Variants in ARNT observed in about 807,000 individuals in gnomAD.
ARNT encodes the protein class E basic helix-loop-helix protein 2.
In ARNT, 30 loss-of-function variants were observed where a neutral mutation model predicts 105.0. The ratio of observed to expected loss-of-function variants is 0.29; its 90% CI spans 0.21 to 0.39. ARNT has a LOEUF of 0.39. ARNT is among the 10% of genes least tolerant of loss of function. ARNT has a pLI of 1.00. For missense variants in ARNT, 748 were observed against 978.7 expected, an observed-to-expected ratio of 0.76 and a Z score of 3.15; for synonymous variants, 304 against 344.0, an observed-to-expected ratio of 0.88 and a Z score of 1.29.
intron 1 of ARNT, among the ~76,000 whole-genome samples, chr1:150,868,664 G>A (rs917633966): frequency 1.3e-5 from 2 of 151,306 alleles, no homozygotes; most frequent in African/African-American, 2.4e-5. Flanking sequence ...CACTTTGGGA[G>A]GCCGAGGTGG....
intron 1 of ARNT, among the ~76,000 whole-genome samples, chr1:150,863,425 G>A (rs1666008080): frequency 6.6e-6 from 1 of 151,850 alleles, no homozygotes; most frequent in African/African-American, 2.4e-5. Context: ...GCCTGGCATA[G>A]TACTTGCAGA....
intron 1 of ARNT, among the ~76,000 whole-genome samples, chr1:150,870,343 T>C (rs1007061994): frequency 1.3e-5 from 2 of 152,182 alleles, no homozygotes; most frequent in African/African-American, 4.8e-5. Flanking sequence ...TCAAAGGTAT[T>C]TCATATTAAC....
intron 10 of ARNT, 108 bp from the exon 11 acceptor site, chr1:150,830,088 G>C: frequency 8.0e-7 from 1 of 1,245,352 alleles, no homozygotes; most frequent in Non-Finnish European, 1.1e-6. Context: ...GCCAGGCACC[G>C]TGGCTGACGC....
chr1:150,867,542 A>G (rs1392207571), intron 1 of ARNT, among the ~76,000 whole-genome samples: 1 of 152,164 alleles, frequency 6.6e-6, no homozygotes, highest in Admixed American at 6.6e-5. Flanking sequence ...AAAGAGAGAG[A>G]TATCTTTTAA....
At chr1:150,846,781 C>T (rs1457481915) in intron 3 of ARNT, among the ~76,000 whole-genome samples, 1 of 152,142 alleles carries the variant, frequency 6.6e-6, no homozygotes, top group Non-Finnish European at 1.5e-5. Flanking sequence ...ATTTCTCCTT[C>T]ACCCCAACCC....
chr1:150,850,627 C>A (rs957909786), intron 3 of ARNT, among the ~76,000 whole-genome samples: 1 of 152,342 alleles, frequency 6.6e-6, no homozygotes, highest in East Asian at 1.9e-4. Flanking sequence ...GATCTCGGCT[C>A]GCTACAACCT....
At chr1:150,872,438 G>GTATTA (rs1247955997) in intron 1 of ARNT, among the ~76,000 whole-genome samples, 1 of 152,110 alleles carries the variant, frequency 6.6e-6, no homozygotes, top group African/African-American at 2.4e-5. Flanking sequence ...AACCCAAACG[G>GTATTA]TATTACCCTT....
At chr1:150,873,328 TGTC>T (rs1357891705) in intron 1 of ARNT, among the ~76,000 whole-genome samples, 2 of 151,234 alleles carry the variant, frequency 1.3e-5, no homozygotes, top group Admixed American at 1.3e-4. Flanking sequence ...AAACAAAACT[TGTC>T]TAGTCCATAG....
At chr1:150,876,216 T>G (rs1668222975) in intron 1 of ARNT, among the ~76,000 whole-genome samples, 1 of 152,030 alleles carries the variant, frequency 6.6e-6, no homozygotes, top group Non-Finnish European at 1.5e-5. Flanking sequence ...GGCAGAGGGT[T>G]AAAAGAGGAC....
Position 150,816,367 on chromosome 1 carries a change from T to C in ARNT, c.1842A>G (p.Pro614=). The C allele has an allele frequency of 1.9e-6, 3 of 1,608,852 alleles. No individual in the cohort carries two copies. Among genetic ancestry groups the C allele is most frequent in the Non-Finnish European group, 2.5e-6 (3 of 1,178,664 alleles). Residue 614 remains proline, a synonymous_variant, in exon 19 of 22, where the codon CCA becomes CCG. Coordinates refer to ENST00000358595, the MANE Select transcript of ARNT (RefSeq NM_001668.4). ...GLAPPVTIVQ[P]SASAGQMLAQ... is the part of the protein sequence containing the mutation. ...CCAACATCTGTCCTGCAGAAGCTGA[T>C]GGCTGGACAATGGTTACAGGAGGGG...
At chr1:150,832,292 G>A (rs369510385) in intron 9 of ARNT, 42 bp downstream of exon 9, 282 of 1,596,616 alleles carry the variant, frequency 1.8e-4, no homozygotes, top group Admixed American at 7.0e-4. Context: ...ATCTCTGCAG[G>A]TATTTGGCCA....
At chr1:150,849,366 A>G (rs1369914158) in intron 3 of ARNT, among the ~76,000 whole-genome samples, 6 of 152,192 alleles carry the variant, frequency 3.9e-5, no homozygotes. Context: ...AAAAAAGCAG[A>G]TTGCGGTCAA....
chr1:150,866,931 C>T (rs587627508), intron 1 of ARNT, among the ~76,000 whole-genome samples: 7 of 152,182 alleles, frequency 4.6e-5, no homozygotes, highest in South Asian at 4.2e-4. Flanking sequence ...AGAGGCTGGG[C>T]GCAATGGCTC....
chr1:150,863,024 C>T (rs1376594214), intron 1 of ARNT, among the ~76,000 whole-genome samples: 2 of 145,050 alleles, frequency 1.4e-5, no homozygotes, highest in East Asian at 4.0e-4. Flanking sequence ...GCACTCTAGC[C>T]TGGGTGACAG....
intron 2 of ARNT, among the ~76,000 whole-genome samples, chr1:150,856,824 G>C (rs1232370619): frequency 6.6e-6 from 1 of 151,418 alleles, no homozygotes; most frequent in Non-Finnish European, 1.5e-5. Context: ...GACAGGTGAA[G>C]TGGCTCACGC....
intron 5 of ARNT, 82 bp from the exon 6 acceptor site, chr1:150,839,736 T>G (rs1660941969): frequency 2.9e-6 from 4 of 1,379,266 alleles, no homozygotes; most frequent in Non-Finnish European, 4.0e-6. Flanking sequence ...GGATACCAAG[T>G]GTGCTGCTGA....
At position 150,861,175 on chromosome 1, in the gene ARNT, G is replaced by A. The variant is rs587597391; in HGVS notation, c.26-2715C>T. 39 of 239,278 alleles carry A rather than the reference G, an allele frequency of 1.6e-4. 1 individual carries two copies. The highest frequency in any genetic ancestry group is 4.0e-4 in the East Asian group (3 of 7,486). The allele number at this position is 239,278 out of a possible 1,614,324, so 14.8% of individuals were successfully genotyped here. A position where few individuals can be genotyped will look rare whatever the true frequency, so the allele number is the denominator to read the frequency against. On this transcript the variant is annotated intron_variant, in intron 1 of 21. Transcript: ENST00000358595. ...ACTGCTAGTGGAAATGTAAAATGGC[G>A]TAACAGCAATAGAAAACAGTATGGA...
At chr1:150,846,338 C>A (rs1168747571) in intron 3 of ARNT, 31 bp from the exon 4 acceptor site, 2 of 1,608,584 alleles carry the variant, frequency 1.2e-6, no homozygotes, top group African/African-American at 2.7e-5. Flanking sequence ...TGTTTCAAAG[C>A]ATTACACTTG....
chr1:150,849,544 G>T (rs1427776295), intron 3 of ARNT, among the ~76,000 whole-genome samples: 1 of 152,094 alleles, frequency 6.6e-6, no homozygotes, highest in African/African-American at 2.4e-5. Context: ...CCAACACTTT[G>T]GAAGGCCAAG....
Sources: allele counts gnomAD v4.1 joint callset (sites outside exome capture counted in the v4.1 genomes callset), GRCh38; gene constraint gnomAD v4.1.1; transcripts MANE v1.5; gene names NCBI Gene and HGNC (gene_info 2026-07-23, HGNC 2026-07-21).